Variants in CARMIL1 observed in about 807,000 individuals in gnomAD.
CARMIL1 encodes the protein capping protein regulator and myosin 1 linker 1.
CARMIL1 carries 90 observed loss-of-function variants against 177.1 expected under a neutral mutation model. The ratio of observed to expected loss-of-function variants is 0.51; its 90% confidence interval spans 0.43 to 0.61. CARMIL1 has a LOEUF of 0.61. CARMIL1 is among the 20% of genes least tolerant of loss of function. The probability of loss-of-function intolerance (pLI) is 0.00; values close to 1 mark genes in which losing one functional copy is unlikely to be tolerated. For missense variants in CARMIL1, 1,380 were observed against 1,667.0 expected (o/e 0.83, Z 3.00); for synonymous variants, 577 against 606.2 (o/e 0.95, Z 0.71).
At chr6:25,314,096 A>C (rs1784070812) in intron 2 of CARMIL1, among the ~76,000 whole-genome samples, 1 of 150,442 alleles carries the variant, frequency 6.6e-6, no homozygotes, top group Admixed American at 6.6e-5. Flanking sequence ...TCTGAACTCT[A>C]AACTCTTTGG....
rs1780924847 is a variant in CARMIL1, at chr6:25,279,794, C to T, written c.-2C>T. The T allele has an allele frequency of 1.1e-5, 17 of 1,613,876 alleles. No individual in the cohort carries two copies. The East Asian group carries it at 3.8e-4, about 36-fold the overall frequency. On this transcript the variant is annotated 5_prime_UTR_variant, in exon 1 of 37. Coordinates refer to ENST00000329474, the MANE Select transcript of CARMIL1 (RefSeq NM_017640.6). ...AATAACCCCCACACCTACAGGGCAA[C>T]CATGACCGAGGAGAGCTCTGACGTT...
At chr6:25,299,638 T>C (rs1782694277) in intron 2 of CARMIL1, among the ~76,000 whole-genome samples, 1 of 152,008 alleles carries the variant, frequency 6.6e-6, no homozygotes, top group Non-Finnish European at 1.5e-5. Context: ...CCCCACTAGA[T>C]CCTGGCACCA....
At chr6:25,466,207 T>C in intron 9 of CARMIL1, among the ~76,000 whole-genome samples, 1 of 152,342 alleles carries the variant, frequency 6.6e-6, no homozygotes, top group Non-Finnish European at 1.5e-5. Flanking sequence ...TAGTGTAGCC[T>C]TTAGTATAAA....
At chr6:25,522,835 G>T (rs544240846) in intron 23 of CARMIL1, among the ~76,000 whole-genome samples, 1 of 152,036 alleles carries the variant, frequency 6.6e-6, no homozygotes, top group African/African-American at 2.4e-5. Context: ...TGGTTGACAG[G>T]GTCTGGCTCT....
At chr6:25,420,731 A>G (rs1385885296) in intron 3 of CARMIL1, among the ~76,000 whole-genome samples, 3 of 152,264 alleles carry the variant, frequency 2.0e-5, no homozygotes, top group Non-Finnish European at 4.4e-5. Flanking sequence ...TAAAAGAGAT[A>G]TATAACATTT....
At chr6:25,572,717 A>AG (rs1404896798) in intron 29 of CARMIL1, among the ~76,000 whole-genome samples, 3 of 151,164 alleles carry the variant, frequency 2.0e-5, no homozygotes, top group Admixed American at 6.6e-5. Context: ...AAAAAAAAAA[A>AG]AAAAAAAAAA....
chr6:25,304,461 A>G (rs984902894), intron 2 of CARMIL1, among the ~76,000 whole-genome samples: 1 of 152,152 alleles, frequency 6.6e-6, no homozygotes, highest in Non-Finnish European at 1.5e-5. Context: ...TTTTGGGATA[A>G]ACTGTTCCAC....
chr6:25,435,120 A>G (rs1797115453), intron 4 of CARMIL1, among the ~76,000 whole-genome samples: 1 of 152,216 alleles, frequency 6.6e-6, no homozygotes, highest in African/African-American at 2.4e-5. Flanking sequence ...TCTCTATCAT[A>G]TGGGAGTCTA....
chr6:25,349,987 A>G (rs766394884), intron 2 of CARMIL1, among the ~76,000 whole-genome samples: 114 of 152,044 alleles, frequency 7.5e-4, no homozygotes, highest in Middle Eastern at 3.4e-3. Flanking sequence ...TTAGCCTCCT[A>G]AAGTGCTGGG....
At chr6:25,340,726 G>A (rs976909204) in intron 2 of CARMIL1, among the ~76,000 whole-genome samples, 19 of 147,596 alleles carry the variant, frequency 1.3e-4, no homozygotes, top group African/African-American at 4.5e-4. Flanking sequence ...AGGATAGTGG[G>A]TCAGTAGAAG....
At chr6:25,388,811 G>A (rs1792446411) in intron 2 of CARMIL1, among the ~76,000 whole-genome samples, 1 of 151,990 alleles carries the variant, frequency 6.6e-6, no homozygotes, top group African/African-American at 2.4e-5. Flanking sequence ...TAGCAGCTGG[G>A]ACTATAGGCA....
At chr6:25,321,277 G>C (rs995575571) in intron 2 of CARMIL1, among the ~76,000 whole-genome samples, 1 of 152,304 alleles carries the variant, frequency 6.6e-6, no homozygotes, top group Admixed American at 6.5e-5. Context: ...AGGGGGTTCT[G>C]TGGCAAAACA....
intron 1 of CARMIL1, among the ~76,000 whole-genome samples, chr6:25,281,764 C>A (rs537415523): frequency 6.6e-6 from 1 of 151,984 alleles, no homozygotes; most frequent in Admixed American, 6.6e-5. Context: ...AAATGGCGAC[C>A]GACCACATGA....
At chr6:25,409,178 C>G (rs533365983) in intron 2 of CARMIL1, among the ~76,000 whole-genome samples, 5 of 152,264 alleles carry the variant, frequency 3.3e-5, no homozygotes, top group South Asian at 4.1e-4. Context: ...CCCCCTTGCT[C>G]TGACTCAAGC....
chr6:25,363,345 A>AC lies in CARMIL1; in HGVS notation c.139-56768dup, dbSNP rs199805381. 6.5e-3 allele frequency among the ~76,000 whole-genome samples: 983 copies of AC among 152,262 alleles called. 10 individuals are homozygous for AC. Among genetic ancestry groups the AC allele is most frequent in the African/African-American group, 0.021 (890 of 41,540 alleles). On this transcript the variant is annotated intron_variant, in intron 2 of 36. Transcript: ENST00000329474. The stretch of plus-strand genomic sequence containing the variant: ...TATTTATTTAGGAGCAGCTCAGAGG[A>AC]CTAGTGTTCCATGGAGAACACTGTG...
At chr6:25,497,344 TGAGGATATTGAGGCTCA>T (rs1803837359) in intron 16 of CARMIL1, among the ~76,000 whole-genome samples, 1 of 152,098 alleles carries the variant, frequency 6.6e-6, no homozygotes, top group Non-Finnish European at 1.5e-5. Context: ...ATTTTACAGC[TGAGGATATTGAGGCTCA>T]GAGAAGCTAA....
chr6:25,582,779 A>C (rs1275110659), intron 31 of CARMIL1, among the ~76,000 whole-genome samples: 1 of 151,992 alleles, frequency 6.6e-6, no homozygotes, highest in Non-Finnish European at 1.5e-5. Flanking sequence ...CTCTGTCCAC[A>C]CAGTACTCTG....
At chr6:25,534,553 G>C (rs982657369) in intron 24 of CARMIL1, among the ~76,000 whole-genome samples, 1 of 152,032 alleles carries the variant, frequency 6.6e-6, no homozygotes, top group East Asian at 1.9e-4. Flanking sequence ...CCTCAGCTAG[G>C]TGTGATTCCT....
intron 2 of CARMIL1, among the ~76,000 whole-genome samples, chr6:25,300,486 G>T (rs1302685524): frequency 6.7e-6 from 1 of 149,868 alleles, no homozygotes; most frequent in African/African-American, 2.4e-5. Context: ...GGCCAACATG[G>T]CAAACTCCTG....
Sources: allele counts gnomAD v4.1 joint callset (sites outside exome capture counted in the v4.1 genomes callset), GRCh38; gene constraint gnomAD v4.1.1; transcripts MANE v1.5; gene names NCBI Gene and HGNC (gene_info 2026-07-23, HGNC 2026-07-21).